Variants in MAGI2 observed in about 807,000 individuals in gnomAD.
The protein encoded by MAGI2 is membrane-associated guanylate kinase, WW and PDZ domain-containing protein 2.
Under a neutral mutation model 133.3 loss-of-function variants are expected in MAGI2, and 35 were observed. That is an observed-to-expected ratio of 0.26 (90% CI 0.20 to 0.35). The LOEUF is 0.35. MAGI2 is among the 10% of genes least tolerant of loss of function. The pLI, the probability that MAGI2 is intolerant of heterozygous loss-of-function variation, is 1.00. For synonymous variants in MAGI2, 729 were observed against 710.6 expected (o/e 1.03, Z -0.41); for missense variants, 1,636 against 1,863.4 (o/e 0.88, Z 2.25).
intron 9 of MAGI2, among the ~76,000 whole-genome samples, chr7:78,306,142 C>G (rs1305795940): frequency 6.6e-6 from 1 of 152,154 alleles, no homozygotes; most frequent in African/African-American, 2.4e-5. Flanking sequence ...AGTTTCACTT[C>G]ATTGTTATCA....
rs201703259 is a variant in MAGI2, at chr7:79,305,045, G to A, written c.301+147975C>T. On this transcript the variant is annotated intron_variant, in intron 1 of 21. Coordinates refer to ENST00000354212, the MANE Select transcript of MAGI2 (RefSeq NM_012301.4). The stretch of plus-strand genomic sequence containing the variant: ...ATGGAGCGATGATGGAAATCAGCAT[G>A]GGAAAATACAGATGAGGAAATGTCA... 6.6e-5 allele frequency among the ~76,000 whole-genome samples: 10 copies of A among 152,250 alleles called. No homozygotes were observed. The East Asian group carries it at 1.4e-3, about 21-fold the overall frequency.
At chr7:78,832,938 C>T (rs934340601) in intron 2 of MAGI2, among the ~76,000 whole-genome samples, 2 of 152,062 alleles carry the variant, frequency 1.3e-5, no homozygotes, top group Admixed American at 1.3e-4. Flanking sequence ...GCCTATAAAC[C>T]GACGCATGAG....
intron 9 of MAGI2, among the ~76,000 whole-genome samples, chr7:78,318,378 T>C (rs1048630218): frequency 2.6e-5 from 4 of 151,990 alleles, no homozygotes; most frequent in African/African-American, 9.7e-5. Context: ...ATATCAGAGA[T>C]TGAAGAGCAA....
chr7:78,835,194 C>A (rs1791507792), intron 2 of MAGI2, among the ~76,000 whole-genome samples: 1 of 152,166 alleles, frequency 6.6e-6, no homozygotes, highest in African/African-American at 2.4e-5. Flanking sequence ...ACCTTCCCAC[C>A]AGCAACGTAC....
intron 1 of MAGI2, among the ~76,000 whole-genome samples, chr7:79,306,390 C>T (rs959172336): frequency 3.3e-5 from 5 of 150,272 alleles, no homozygotes; most frequent in Admixed American, 6.7e-5. Context: ...TCAAACTCTT[C>T]GGCTTAAGTG....
At chr7:79,362,807 C>T (rs66778115) in intron 1 of MAGI2, among the ~76,000 whole-genome samples, 22,079 of 151,822 alleles carry the variant, frequency 0.15, 1,710 homozygotes, top group South Asian at 0.25. Flanking sequence ...TCTTGACTTG[C>T]TTAAACACAG....
At chr7:79,352,574 C>A (rs957801123) in intron 1 of MAGI2, among the ~76,000 whole-genome samples, 1 of 152,188 alleles carries the variant, frequency 6.6e-6, no homozygotes, top group African/African-American at 2.4e-5. Context: ...TGGCTGTAAG[C>A]CCCACTCACA....
intron 1 of MAGI2, among the ~76,000 whole-genome samples, chr7:79,342,043 C>CT (rs1372483527): frequency 6.6e-6 from 1 of 152,158 alleles, no homozygotes; most frequent in Non-Finnish European, 1.5e-5. Context: ...TTCTGGTTTA[C>CT]TTGTACTGTA....
At chr7:78,025,163 C>T (rs1023668766) in intron 21 of MAGI2, among the ~76,000 whole-genome samples, 1 of 152,214 alleles carries the variant, frequency 6.6e-6, no homozygotes, top group Non-Finnish European at 1.5e-5. Context: ...TCTTCAAATG[C>T]TCCAAGCTCA....
At chr7:78,575,614 A>G (rs1802190188) in intron 3 of MAGI2, among the ~76,000 whole-genome samples, 1 of 152,188 alleles carries the variant, frequency 6.6e-6, no homozygotes, top group Admixed American at 6.5e-5. Context: ...GTGATAAGTC[A>G]CATTGATCAC....
At position 78,392,879 on chromosome 7, in the gene MAGI2, G is replaced by A. The variant is rs144780529; in HGVS notation, c.1046-23666C>T. On this transcript the variant is annotated intron_variant, in intron 6 of 21. Transcript: ENST00000354212. ...GCTGGTTTTGAACTCCCAACCTCAG[G>A]TGATTCGCCAACCTCAGGTGATTCG... Among the ~76,000 whole-genome samples the A allele has an allele frequency of 6.5e-3, 991 of 152,132 alleles. 7 individuals carry two copies. The highest frequency in any genetic ancestry group is 0.01 in the Non-Finnish European group (711 of 67,988).
At chr7:78,869,192 CTGTT>C (rs1365086690) in intron 2 of MAGI2, among the ~76,000 whole-genome samples, 3 of 152,140 alleles carry the variant, frequency 2.0e-5, no homozygotes, top group Non-Finnish European at 2.9e-5. Context: ...TGTGGGTTGT[CTGTT>C]TATTTTGCTG....
intron 2 of MAGI2, among the ~76,000 whole-genome samples, chr7:78,681,294 A>G (rs1815628271): frequency 6.6e-6 from 1 of 152,150 alleles, no homozygotes; most frequent in South Asian, 2.1e-4. Context: ...GGAAGGGAAA[A>G]GTCAATACTT....
At chr7:79,310,128 C>T (rs1185736136) in intron 1 of MAGI2, among the ~76,000 whole-genome samples, 1 of 113,472 alleles carries the variant, frequency 8.8e-6, no homozygotes, top group African/African-American at 3.4e-5. Context: ...CGTGCTACTG[C>T]ACTCAAGCCT....
intron 10 of MAGI2, among the ~76,000 whole-genome samples, chr7:78,223,021 T>G (rs2150844973): frequency 6.6e-6 from 1 of 152,312 alleles, no homozygotes. Flanking sequence ...GGGGGGATAC[T>G]CTGAACAACA....
intron 9 of MAGI2, among the ~76,000 whole-genome samples, chr7:78,334,606 T>C (rs1049819763): frequency 6.6e-6 from 1 of 152,158 alleles, no homozygotes; most frequent in Non-Finnish European, 1.5e-5. Flanking sequence ...GTTCTGAGCA[T>C]AGGCTTGGAT....
At chr7:79,255,486 T>C (rs959545858) in intron 1 of MAGI2, among the ~76,000 whole-genome samples, 1 of 152,136 alleles carries the variant, frequency 6.6e-6, no homozygotes, top group African/African-American at 2.4e-5. Flanking sequence ...GAAACAGTTA[T>C]GTAAAAAGAA....
rs1584941419 is a variant in MAGI2 at position 79,105,604 on chromosome 7, C to G, written c.302-98398G>C. Among the ~76,000 whole-genome samples, 4 of 152,176 alleles carry G rather than the reference C, an allele frequency of 2.6e-5. No individual in the cohort carries two copies. The South Asian group carries it at 8.3e-4, about 32-fold the overall frequency. ...CATCCTACTTGCTTCTCAGCTGCCT[C>G]TGTCCTACCACCAGCTGTTATACAG... On this transcript the variant is annotated intron_variant, in intron 1 of 21. Coordinates refer to ENST00000354212, the MANE Select transcript of MAGI2 (RefSeq NM_012301.4).
intron 3 of MAGI2, among the ~76,000 whole-genome samples, chr7:78,576,042 ATAATC>A (rs1184839988): frequency 6.6e-6 from 1 of 152,112 alleles, no homozygotes; most frequent in African/African-American, 2.4e-5. Context: ...GTACATAAAT[ATAATC>A]TATTCTAAAT....
Sources: allele counts gnomAD v4.1 joint callset (sites outside exome capture counted in the v4.1 genomes callset), GRCh38; gene constraint gnomAD v4.1.1; transcripts MANE v1.5; gene names NCBI Gene and HGNC (gene_info 2026-07-23, HGNC 2026-07-21).